Variants in RSU1 observed in about 807,000 individuals in gnomAD.
RSU1 encodes the protein rsu-1.
RSU1 carries 26 observed loss-of-function variants against 31.1 expected under a neutral mutation model. The ratio of observed to expected loss-of-function variants is 0.84; its 90% CI spans 0.61 to 1.16. The LOEUF (loss-of-function observed/expected upper bound fraction) is 1.16. Among genes scored for constraint, RSU1 ranks in the 50% most tolerant of loss-of-function variants. The probability of loss-of-function intolerance (pLI) is 0.00; values close to 1 mark genes in which losing one functional copy is unlikely to be tolerated. For synonymous variants in RSU1, 164 were observed against 136.3 expected (o/e 1.20, Z -1.41); for missense variants, 320 against 339.1 (o/e 0.94, Z 0.44).
rs148079928 is a variant in RSU1, at chr10:16,599,865, T to C, written c.732-6369A>G. On this transcript the variant is annotated intron_variant, in intron 8 of 8. Coordinates refer to ENST00000345264, the MANE Select transcript of RSU1 (RefSeq NM_012425.4). ...TTTCTGGGAAAGCTTCGGCGGGCAC[T>C]GCCACTCGGCTATGACAGCTGGAGA... 1.3e-3 allele frequency among the ~76,000 whole-genome samples: 178 copies of C among 135,370 alleles called. 1 individual carries two copies. The highest frequency in any genetic ancestry group is 7.9e-3 in the Middle Eastern group (2 of 252). 88.8% of individuals were successfully genotyped at this position (135,370 alleles called of 152,430 possible). A position where few individuals can be genotyped will look rare whatever the true frequency, so the allele number is the denominator to read the frequency against.
intron 8 of RSU1, among the ~76,000 whole-genome samples, chr10:16,597,921 C>A (rs964950178): frequency 6.6e-6 from 1 of 152,220 alleles, no homozygotes; most frequent in Admixed American, 6.5e-5. Context: ...TGAGAGCTGG[C>A]GTTTTACTAA....
intron 8 of RSU1, among the ~76,000 whole-genome samples, chr10:16,653,474 G>A (rs1375210881): frequency 6.6e-6 from 1 of 152,172 alleles, no homozygotes; most frequent in African/African-American, 2.4e-5. Flanking sequence ...GCCCACACAG[G>A]ATGGATGAGT....
intron 7 of RSU1, among the ~76,000 whole-genome samples, chr10:16,736,948 C>T (rs1836640041): frequency 7.5e-6 from 1 of 133,468 alleles, no homozygotes; most frequent in African/African-American, 2.9e-5. Flanking sequence ...TTAGACACTA[C>T]AGAACAAAAA....
intron 8 of RSU1, among the ~76,000 whole-genome samples, chr10:16,666,441 A>C (rs2131532360): frequency 6.6e-6 from 1 of 152,338 alleles, no homozygotes; most frequent in Admixed American, 6.5e-5. Context: ...GAAGATACTT[A>C]CTTTAGACTT....
At chr10:16,742,744 C>T (rs948809112) in intron 7 of RSU1, among the ~76,000 whole-genome samples, 6 of 152,260 alleles carry the variant, frequency 3.9e-5, no homozygotes, top group African/African-American at 1.2e-4. Flanking sequence ...GGTGTTAACA[C>T]AGATTGATGC....
chr10:16,726,525 A>C (rs935897061), intron 7 of RSU1, among the ~76,000 whole-genome samples: 1 of 152,222 alleles, frequency 6.6e-6, no homozygotes, highest in Admixed American at 6.5e-5. Context: ...TCGGCCTCCC[A>C]AAGTGCTGGG....
chr10:16,604,765 C>T (rs1013919307), intron 8 of RSU1, among the ~76,000 whole-genome samples: 2 of 152,170 alleles, frequency 1.3e-5, no homozygotes, highest in Admixed American at 1.3e-4. Context: ...TTAGTGTCAA[C>T]ATGACTCAGT....
intron 4 of RSU1, among the ~76,000 whole-genome samples, chr10:16,760,673 T>A (rs1480422933): frequency 2.0e-5 from 3 of 152,130 alleles, no homozygotes; most frequent in East Asian, 3.9e-4. Context: ...AACACAGAAA[T>A]GAAGGTATCA....
Position 16,593,194 on chromosome 10 carries a change from A to G in RSU1, c.*200T>C. ...TGGTAATGTTAAAGAAACAAATGGA[A>G]ATGGTTTAAAGACCTTATAACAATC... is the stretch of plus-strand genomic sequence containing the variant. On this transcript the variant is annotated 3_prime_UTR_variant, in exon 9 of 9. Coordinates refer to ENST00000345264, the MANE Select transcript of RSU1 (RefSeq NM_012425.4). 1.0e-6 allele frequency: 1 copy of G among 962,008 alleles called. No homozygotes were observed. The highest frequency in any genetic ancestry group is 3.4e-5 in the Admixed American group (1 of 29,274). The allele number at this position is 962,008 out of a possible 1,614,324, so 59.6% of individuals were successfully genotyped here.
intron 2 of RSU1, among the ~76,000 whole-genome samples, chr10:16,787,521 G>A (rs759928944): frequency 4.6e-5 from 7 of 152,144 alleles, no homozygotes; most frequent in Admixed American, 3.3e-4. Context: ...GTTAGGCTGC[G>A]TCCTCGCCCA....
intron 2 of RSU1, among the ~76,000 whole-genome samples, chr10:16,806,880 A>T (rs1284813160): frequency 6.6e-6 from 1 of 152,094 alleles, no homozygotes; most frequent in East Asian, 1.9e-4. Context: ...CAGCCTCCCA[A>T]GTAGCTGGGA....
At chr10:16,689,336 T>A (rs920851751) in intron 8 of RSU1, among the ~76,000 whole-genome samples, 1 of 152,252 alleles carries the variant, frequency 6.6e-6, no homozygotes, top group African/African-American at 2.4e-5. Flanking sequence ...TTAAAATGAA[T>A]GGGCTCACCT....
chr10:16,670,643 G>T (rs1470124531), intron 8 of RSU1, among the ~76,000 whole-genome samples: 1 of 151,934 alleles, frequency 6.6e-6, no homozygotes, highest in African/African-American at 2.4e-5. Context: ...TCCACTTAAG[G>T]GTCTCCCAAA....
At chr10:16,691,735 T>C (rs1204091295) in intron 8 of RSU1, among the ~76,000 whole-genome samples, 1 of 142,532 alleles carries the variant, frequency 7.0e-6, no homozygotes, top group Non-Finnish European at 1.5e-5. Context: ...TTTTTTTTTT[T>C]TTTTTTTTTT....
chr10:16,780,809 A>G (rs1483536867), intron 3 of RSU1, among the ~76,000 whole-genome samples: 1 of 152,158 alleles, frequency 6.6e-6, no homozygotes, highest in East Asian at 1.9e-4. Context: ...CCGGCAATAA[A>G]TTACCTGTTA....
At chr10:16,757,323 C>G (rs1296207369) in intron 4 of RSU1, among the ~76,000 whole-genome samples, 1 of 152,070 alleles carries the variant, frequency 6.6e-6, no homozygotes, top group South Asian at 2.1e-4. Flanking sequence ...TTCTAGCCAT[C>G]GATCCTTCTC....
intron 8 of RSU1, among the ~76,000 whole-genome samples, chr10:16,617,120 A>G (rs935149642): frequency 2.6e-5 from 4 of 152,252 alleles, no homozygotes; most frequent in African/African-American, 9.6e-5. Context: ...TTAAGCTGAT[A>G]AGCAACTTCA....
intron 6 of RSU1, 68 bp from the exon 7 acceptor site, chr10:16,752,721 C>G: frequency 8.4e-7 from 1 of 1,190,462 alleles, no homozygotes; most frequent in Non-Finnish European, 1.2e-6. Context: ...AACTCTCATC[C>G]TCTATGTCCT....
chr10:16,738,348 G>A (rs1836680263), intron 7 of RSU1, among the ~76,000 whole-genome samples: 1 of 152,136 alleles, frequency 6.6e-6, no homozygotes, highest in Admixed American at 6.5e-5. Flanking sequence ...CTACTCAGGA[G>A]GCTGAGGCAG....
Sources: allele counts gnomAD v4.1 joint callset (sites outside exome capture counted in the v4.1 genomes callset), GRCh38; gene constraint gnomAD v4.1.1; transcripts MANE v1.5; gene names NCBI Gene and HGNC (gene_info 2026-07-23, HGNC 2026-07-21).